The following NLGN1 variants were observed in gnomAD, a reference collection of about 807,000 sequenced individuals.
NLGN1 encodes neuroligin-1.
Under a neutral mutation model 65.5 loss-of-function variants are expected in NLGN1, and 12 were observed. The observed-to-expected ratio is 0.18, with a 90% CI of 0.12 to 0.30. NLGN1 has a LOEUF of 0.30. Among genes scored for constraint, NLGN1 ranks in the 10% least tolerant of loss-of-function variants. The pLI is 1.00. For synonymous variants in NLGN1, 350 were observed against 359.5 expected (o/e 0.97, Z 0.30); for missense variants, 750 against 1,007.1 (o/e 0.74, Z 3.46).
intron 3 of NLGN1, among the ~76,000 whole-genome samples, chr3:173,640,092 A>G (rs1757170186): frequency 6.6e-6 from 1 of 152,180 alleles, no homozygotes; most frequent in South Asian, 2.1e-4. Flanking sequence ...TTTCAAGGAC[A>G]ACGGGGTGCA....
intron 1 of NLGN1, among the ~76,000 whole-genome samples, chr3:173,420,832 G>A (rs1462643617): frequency 1.3e-5 from 2 of 152,150 alleles, no homozygotes; most frequent in Non-Finnish European, 2.9e-5. Flanking sequence ...TTTGATATGT[G>A]TACTTTTTCA....
At chr3:173,575,742 C>T (rs1745407192) in intron 2 of NLGN1, among the ~76,000 whole-genome samples, 3 of 152,132 alleles carry the variant, frequency 2.0e-5, no homozygotes, top group African/African-American at 7.2e-5. Context: ...GGTAATCATA[C>T]TCTTCTTTCA....
chr3:173,527,311 G>A (rs903403529), intron 2 of NLGN1, among the ~76,000 whole-genome samples: 1 of 152,326 alleles, frequency 6.6e-6, no homozygotes, highest in Admixed American at 6.5e-5. Flanking sequence ...CTGATGATCA[G>A]TGATATTGAG....
At chr3:174,241,629 AC>A (rs1464083451) in intron 4 of NLGN1, among the ~76,000 whole-genome samples, 3 of 148,970 alleles carry the variant, frequency 2.0e-5, no homozygotes, top group South Asian at 4.3e-4. Flanking sequence ...ATAAATCCCT[AC>A]CCCCCAACAT....
intron 4 of NLGN1, among the ~76,000 whole-genome samples, chr3:174,120,900 G>A (rs529359781): frequency 6.6e-6 from 1 of 152,228 alleles, no homozygotes; most frequent in South Asian, 2.1e-4. Flanking sequence ...GACTCTACTG[G>A]CTATATTCCT....
intron 3 of NLGN1, among the ~76,000 whole-genome samples, chr3:173,683,864 G>T (rs1764314726): frequency 1.3e-5 from 2 of 152,062 alleles, no homozygotes; most frequent in African/African-American, 4.8e-5. Flanking sequence ...CCATTTTGCA[G>T]ATAAAAAAAC....
chr3:173,631,849 G>A (rs753644692), intron 3 of NLGN1, among the ~76,000 whole-genome samples: 1 of 151,646 alleles, frequency 6.6e-6, no homozygotes, highest in Admixed American at 6.6e-5. Flanking sequence ...TTAAGTTTTG[G>A]GTGAAAATTA....
chr3:174,291,569 CTT>C (rs1470716353), downstream of NLGN1, among the ~76,000 whole-genome samples: 4 of 151,232 alleles, frequency 2.6e-5, no homozygotes, highest in African/African-American at 9.7e-5. Context: ...AAAGACAACG[CTT>C]TATGCCAGTA....
chr3:173,942,109 G>GTGTGTGTGTGTGTGTGTGTGTGTGT (rs1553896554), intron 4 of NLGN1, among the ~76,000 whole-genome samples: 1 of 144,070 alleles, frequency 6.9e-6, no homozygotes, highest in African/African-American at 2.6e-5. Context: ...GGTGGTTGGG[G>GTGTGTGTGTGTGTGTGTGTGTGTGT]GTGTGTGTGT....
intron 3 of NLGN1, among the ~76,000 whole-genome samples, chr3:173,746,449 T>C (rs376346892): frequency 3.9e-5 from 6 of 152,140 alleles, no homozygotes; most frequent in Admixed American, 1.3e-4. Context: ...CCTAATCCTC[T>C]CTCCTCCACT....
chr3:173,562,562 TAA>T (rs76883121), intron 2 of NLGN1, among the ~76,000 whole-genome samples: 3 of 140,622 alleles, frequency 2.1e-5, no homozygotes, highest in Non-Finnish European at 3.1e-5. Flanking sequence ...CAAGATTGTC[TAA>T]AAAAAAAAAA....
At chr3:174,000,864 C>T (rs1723145211) in intron 4 of NLGN1, among the ~76,000 whole-genome samples, 1 of 152,104 alleles carries the variant, frequency 6.6e-6, no homozygotes. Flanking sequence ...AGCAGTGGGC[C>T]AGAATTAAAT....
At chr3:174,080,927 G>GTGTA (rs1335813443) in intron 4 of NLGN1, among the ~76,000 whole-genome samples, 68 of 148,848 alleles carry the variant, frequency 4.6e-4, no homozygotes, top group African/African-American at 1.7e-3. Flanking sequence ...TTCCTGGTGT[G>GTGTA]TGTGTGTGTG....
In NLGN1 at chr3:174,221,410, A is replaced by G. The variant is rs114820394; in HGVS notation, c.647-53905A>G. ...TTTACAGCAGTCATTTTTCTATAGA[A>G]TTATCCTCATAAAGTTAGAGGCATC... On this transcript the variant is annotated intron_variant, in intron 4 of 6. Coordinates refer to ENST00000457714, the Ensembl canonical transcript of NLGN1. Among the ~76,000 whole-genome samples the G allele has an allele frequency of 3.4e-3, 513 of 152,208 alleles. 3 individuals carry two copies. Among genetic ancestry groups the G allele is most frequent in the African/African-American group, 0.011 (447 of 41,518 alleles).
chr3:173,997,070 T>C (rs985616869), intron 4 of NLGN1, among the ~76,000 whole-genome samples: 2 of 152,050 alleles, frequency 1.3e-5, no homozygotes, highest in African/African-American at 4.8e-5. Flanking sequence ...GAATGGAAAA[T>C]AGCAGAATAA....
At chr3:174,195,790 A>G (rs1235284696) in intron 4 of NLGN1, among the ~76,000 whole-genome samples, 1 of 96,066 alleles carries the variant, frequency 1.0e-5, no homozygotes, top group Admixed American at 1.1e-4. Context: ...AAGTTTGGAG[A>G]AAAAAAAACT....
intron 2 of NLGN1, among the ~76,000 whole-genome samples, chr3:173,601,147 G>A (rs1336461434): frequency 6.6e-6 from 1 of 151,980 alleles, no homozygotes; most frequent in East Asian, 1.9e-4. Flanking sequence ...TCCTATGTGT[G>A]GATTGATAGG....
intron 2 of NLGN1, among the ~76,000 whole-genome samples, chr3:173,457,999 A>G (rs908450669): frequency 6.6e-6 from 1 of 152,128 alleles, no homozygotes; most frequent in African/African-American, 2.4e-5. Flanking sequence ...CCAAATTGAC[A>G]TATTAAGGAG....
intron 4 of NLGN1, among the ~76,000 whole-genome samples, chr3:174,021,422 G>T (rs1301863258): frequency 6.6e-6 from 1 of 151,964 alleles, no homozygotes; most frequent in Non-Finnish European, 1.5e-5. Context: ...ATCTTTTTGT[G>T]TAATGAAATG....
Sources: gnomAD v4.1 joint callset for allele counts (sites outside exome capture counted in the v4.1 genomes callset) on GRCh38, gnomAD v4.1.1 for gene constraint, MANE v1.5 for transcripts, NCBI Gene and HGNC (gene_info 2026-07-23, HGNC 2026-07-21) for gene names.